UBE2Q2: variants seen among roughly 807,000 people sequenced by gnomAD.
UBE2Q2 encodes ubiquitin conjugating enzyme E2 Q2.
Under a neutral mutation model 59.9 loss-of-function variants are expected in UBE2Q2, and 54 were observed. That is an observed-to-expected ratio of 0.90 (90% CI 0.72 to 1.13). The LOEUF is 1.13. Among genes scored for constraint, UBE2Q2 ranks in the 50% most tolerant of loss-of-function variants. The pLI is 0.00. For missense variants in UBE2Q2, 433 were observed against 441.9 expected, an observed-to-expected ratio of 0.98 and a Z score of 0.18; for synonymous variants, 165 against 155.2, an observed-to-expected ratio of 1.06 and a Z score of -0.47.
intron 1 of UBE2Q2, chr15:75,844,290 A>C: frequency 6.5e-7 from 1 of 1,544,224 alleles, no homozygotes; most frequent in Non-Finnish European, 8.7e-7. Context: ...TTTCAGTCGG[A>C]TTTTCCTTCT....
At chr15:75,884,538 A>G (rs941515002) in intron 9 of UBE2Q2, among the ~76,000 whole-genome samples, 1 of 152,240 alleles carries the variant, frequency 6.6e-6, no homozygotes, top group African/African-American at 2.4e-5. Context: ...CATGGTGTCC[A>G]TCTGTAAAGC....
chr15:75,866,342 A>G (rs909199961), intron 3 of UBE2Q2, among the ~76,000 whole-genome samples: 2 of 151,824 alleles, frequency 1.3e-5, no homozygotes, highest in African/African-American at 4.8e-5. Context: ...GTGCATGGCT[A>G]CTTTTTAAAA....
rs779789289 is a variant in UBE2Q2 at position 75,897,066 on chromosome 15, G to A, written c.1096+5G>A. ...TACAGATACATGAGAAAAATGGTATGTTTAATTCAATAAGTGTTTATTGCC... is the reference window on the plus strand; with the variant it reads ...TACAGATACATGAGAAAAATGGTATATTTAATTCAATAAGTGTTTATTGCC... On this transcript the variant is annotated splice_donor_5th_base_variant and intron_variant, in intron 12 of 12. Transcript: ENST00000267938. The A allele has an allele frequency of 1.3e-6, 2 of 1,530,230 alleles. No individual in the cohort carries two copies. The highest frequency in any genetic ancestry group is 3.8e-5 in the Admixed American group (2 of 52,116). The allele number at this position is 1,530,230 out of a possible 1,614,324, so 94.8% of individuals were successfully genotyped here.
intron 12 of UBE2Q2, among the ~76,000 whole-genome samples, chr15:75,898,770 A>C (rs1899580639): frequency 6.6e-6 from 1 of 152,194 alleles, no homozygotes; most frequent in South Asian, 2.1e-4. Flanking sequence ...ACTTTCCATG[A>C]GGCTTACTTT....
At position 75,845,819 on chromosome 15, in the gene UBE2Q2, G is replaced by A. The variant is rs117450315; in HGVS notation, c.180+1973G>A. Among the ~76,000 whole-genome samples, 165 of 152,306 alleles carry A rather than the reference G, an allele frequency of 1.1e-3. No individual in the cohort carries two copies. In the East Asian group the frequency reaches 0.025, roughly 23 times the overall value. The stretch of plus-strand genomic sequence containing the variant: ...CGAGAACCATATTGAAGGCTGGTAA[G>A]AGTCTGCTGCAGATAAAAATAAGGA... On this transcript the variant is annotated intron_variant, in intron 1 of 12. Coordinates refer to ENST00000267938, the MANE Select transcript of UBE2Q2 (RefSeq NM_173469.4).
chr15:75,895,581 A>G (rs1272554149), intron 11 of UBE2Q2, among the ~76,000 whole-genome samples: 2 of 152,158 alleles, frequency 1.3e-5, no homozygotes, highest in African/African-American at 4.8e-5. Flanking sequence ...AAAAAAAAAT[A>G]GGAAAAGGGG....
chr15:75,873,400 T>A, intron 4 of UBE2Q2, 28 bp from the exon 5 acceptor site: 1 of 1,560,090 alleles, frequency 6.4e-7, no homozygotes, highest in South Asian at 1.2e-5. Flanking sequence ...ATAGGTTGAA[T>A]AAGCTAACAT....
intron 1 of UBE2Q2, among the ~76,000 whole-genome samples, chr15:75,851,819 A>G (rs1003941396): frequency 6.6e-6 from 1 of 152,184 alleles, no homozygotes; most frequent in Non-Finnish European, 1.5e-5. Context: ...TTGAAATATT[A>G]AAAAGACATA....
intron 8 of UBE2Q2, among the ~76,000 whole-genome samples, chr15:75,881,917 A>C (rs1401788707): frequency 6.6e-6 from 1 of 152,184 alleles, no homozygotes; most frequent in Middle Eastern, 3.2e-3. Context: ...TTTAGAGAAT[A>C]ATAGCCAGGA....
intron 3 of UBE2Q2, among the ~76,000 whole-genome samples, chr15:75,860,313 A>G (rs1450788963): frequency 6.6e-6 from 1 of 152,142 alleles, no homozygotes; most frequent in Non-Finnish European, 1.5e-5. Flanking sequence ...TCATCTCCTT[A>G]AGTCTGTCTG....
At chr15:75,890,290 C>G in intron 9 of UBE2Q2, 145 bp from the exon 10 acceptor site, 1 of 614,432 alleles carries the variant, frequency 1.6e-6, no homozygotes, top group Non-Finnish European at 2.8e-6. Context: ...ACCCATAGTC[C>G]TGTATCCCTA....
chr15:75,871,016 C>G (rs1897756391), intron 4 of UBE2Q2, among the ~76,000 whole-genome samples: 1 of 152,066 alleles, frequency 6.6e-6, no homozygotes, highest in African/African-American at 2.4e-5. Context: ...CTCTGAGTTC[C>G]CTTAGTATTT....
intron 9 of UBE2Q2, among the ~76,000 whole-genome samples, chr15:75,886,795 G>A (rs1373011045): frequency 1.3e-5 from 2 of 151,958 alleles, no homozygotes; most frequent in Non-Finnish European, 2.9e-5. Flanking sequence ...GCTGAGGCAG[G>A]AGAATCGCTT....
intron 9 of UBE2Q2, among the ~76,000 whole-genome samples, chr15:75,885,359 G>T (rs184285004): frequency 6.6e-6 from 1 of 151,932 alleles, no homozygotes; most frequent in African/African-American, 2.4e-5. Flanking sequence ...CTCGTGATCC[G>T]CCTGCCTCAG....
chr15:75,851,353 C>CTT (rs1567015342), intron 1 of UBE2Q2, among the ~76,000 whole-genome samples: 1 of 151,656 alleles, frequency 6.6e-6, no homozygotes, highest in Non-Finnish European at 1.5e-5. Context: ...AACTTTGGAT[C>CTT]TTTTACCCTT....
chr15:75,889,818 C>A (rs1359676147), intron 9 of UBE2Q2, among the ~76,000 whole-genome samples: 1 of 152,116 alleles, frequency 6.6e-6, no homozygotes, highest in Non-Finnish European at 1.5e-5. Context: ...GGTTAAAAAT[C>A]GTTATCTAAG....
intron 3 of UBE2Q2, 127 bp downstream of exon 3, chr15:75,860,109 ATTGTT>A (rs1290955339): frequency 4.1e-6 from 3 of 728,236 alleles, no homozygotes; most frequent in African/African-American, 1.9e-5. Flanking sequence ...TTCCTATTGA[ATTGTT>A]TTGTTTGTTC....
chr15:75,865,023 A>G (rs1195045199), intron 3 of UBE2Q2, among the ~76,000 whole-genome samples: 1 of 152,212 alleles, frequency 6.6e-6, no homozygotes, highest in Admixed American at 6.5e-5. Flanking sequence ...ATTGTGAGAG[A>G]TGACATGTAT....
At chr15:75,877,199 C>G (rs1417730035) in intron 6 of UBE2Q2, among the ~76,000 whole-genome samples, 2 of 138,776 alleles carry the variant, frequency 1.4e-5, no homozygotes, top group African/African-American at 2.6e-5. Flanking sequence ...ATGACCGATT[C>G]AATTCTAGCA....
Sources: gnomAD v4.1 joint callset for allele counts (sites outside exome capture counted in the v4.1 genomes callset) on GRCh38, gnomAD v4.1.1 for gene constraint, MANE v1.5 for transcripts, NCBI Gene and HGNC (gene_info 2026-07-23, HGNC 2026-07-21) for gene names.